RDX: variants seen among roughly 807,000 people sequenced by gnomAD.
RDX encodes radixin.
RDX carries 32 observed loss-of-function variants against 83.7 expected under a neutral mutation model. The ratio of observed to expected loss-of-function variants is 0.38; its 90% CI spans 0.29 to 0.51. RDX has a LOEUF of 0.51. RDX is among the 20% of genes least tolerant of loss of function. RDX has a pLI of 0.87. For synonymous variants in RDX, 229 were observed against 222.7 expected (o/e 1.03, Z -0.25); for missense variants, 600 against 689.9 (o/e 0.87, Z 1.46).
At chr11:110,183,099 A>C (rs1409856242) in intron 15 of RDX, among the ~76,000 whole-genome samples, 1 of 152,196 alleles carries the variant, frequency 6.6e-6, no homozygotes, top group Non-Finnish European at 1.5e-5. Context: ...AAGCTTGCTA[A>C]TGTGGGTTAC....
At position 110,205,990 on chromosome 11, in the gene RDX, TC is replaced by T. The variant is rs1370754453; in HGVS notation, c.1749-6313del. 2.0e-4 allele frequency among the ~76,000 whole-genome samples: 31 copies of T among 152,320 alleles called. 1 individual carries two copies. The South Asian group carries it at 5.0e-3, about 24-fold the overall frequency. ...CAATCCTATAGCCAGACGCAGTGGCTCATGCCTGTAATCCCAGCACTTTGGG... is the reference window on the plus strand; with the variant it reads ...CAATCCTATAGCCAGACGCAGTGGCTATGCCTGTAATCCCAGCACTTTGGG... On this transcript the variant is annotated intron_variant, in intron 14 of 15. Transcript: ENST00000528498.
At chr11:110,257,961 A>C in intron 6 of RDX, 48 bp from the exon 7 acceptor site, 1 of 1,582,556 alleles carries the variant, frequency 6.3e-7, no homozygotes, top group Non-Finnish European at 8.7e-7. Flanking sequence ...GAGCATATCA[A>C]ACTAAAGTTG....
chr11:110,276,634 T>C (rs892026602), intron 2 of RDX, among the ~76,000 whole-genome samples: 1 of 152,210 alleles, frequency 6.6e-6, no homozygotes, highest in African/African-American at 2.4e-5. Context: ...TCACTGTACA[T>C]TGACTTAGAT....
chr11:110,182,878 G>A lies in RDX; in HGVS notation c.*32-7644C>T, dbSNP rs191891824. ...TCTACGGATTCTATGTATTTGGGGA[G>A]GAACAAAATAAAATATCTATGTTAC... On this transcript the variant is annotated intron_variant, in intron 15 of 15. Transcript: ENST00000528498. Among the ~76,000 whole-genome samples, 34 of 152,236 alleles carry A rather than the reference G, an allele frequency of 2.2e-4. 1 individual carries two copies. Among genetic ancestry groups the A allele is most frequent in the African/African-American group, 6.7e-4 (28 of 41,526 alleles).
chr11:110,293,881 T>C (rs1434805423), intron 1 of RDX, among the ~76,000 whole-genome samples: 1 of 152,242 alleles, frequency 6.6e-6, no homozygotes, highest in Non-Finnish European at 1.5e-5. Flanking sequence ...CAGGAAATAT[T>C]GGTTAAAATT....
chr11:110,295,655 A>AAAC (rs138764061), intron 1 of RDX, among the ~76,000 whole-genome samples: 1 of 151,762 alleles, frequency 6.6e-6, no homozygotes, highest in African/African-American at 2.4e-5. Flanking sequence ...AAAAAAAAAA[A>AAAC]AACAAAAATG....
intron 3 of RDX, among the ~76,000 whole-genome samples, chr11:110,267,593 T>C (rs1860108445): frequency 6.6e-6 from 1 of 150,800 alleles, no homozygotes; most frequent in African/African-American, 2.4e-5. Context: ...TCCAGGCTTT[T>C]GGTTTCAAGA....
chr11:110,293,328 T>C (rs777843775), intron 1 of RDX, among the ~76,000 whole-genome samples: 102 of 152,338 alleles, frequency 6.7e-4, no homozygotes, highest in Non-Finnish European at 1.3e-3. Context: ...CTTTGACCTT[T>C]TCCTTGACAT....
chr11:110,209,328 G>A (rs1193642657), intron 14 of RDX, among the ~76,000 whole-genome samples: 7 of 152,030 alleles, frequency 4.6e-5, no homozygotes, highest in East Asian at 1.9e-4. Context: ...CACCTGGCTC[G>A]GAGGGTCCTA....
downstream of RDX, among the ~76,000 whole-genome samples, chr11:110,227,053 C>T (rs1485788752): frequency 5.9e-5 from 9 of 151,846 alleles, no homozygotes; most frequent in African/African-American, 2.2e-4. Context: ...AATTCAAATG[C>T]TAGACTTGAA....
chr11:110,222,150 A>C (rs1864271633), intron 14 of RDX, among the ~76,000 whole-genome samples: 1 of 152,224 alleles, frequency 6.6e-6, no homozygotes, highest in Admixed American at 6.5e-5. Context: ...GCTAAAGCAT[A>C]ATGGTTGAAA....
At chr11:110,193,365 A>G (rs1246948079) in intron 15 of RDX, among the ~76,000 whole-genome samples, 2 of 152,140 alleles carry the variant, frequency 1.3e-5, no homozygotes, top group Non-Finnish European at 2.9e-5. Context: ...GGGGACCACT[A>G]GAGACGGGAG....
chr11:110,176,910 A>T (rs929011567), intron 15 of RDX, among the ~76,000 whole-genome samples: 1 of 152,114 alleles, frequency 6.6e-6, no homozygotes, highest in Non-Finnish European at 1.5e-5. Context: ...CTCTCTGCTG[A>T]CCTGAAGGAA....
At chr11:110,240,744 C>CAAA (rs1298350227) in intron 10 of RDX, among the ~76,000 whole-genome samples, 4 of 62,886 alleles carry the variant, frequency 6.4e-5, no homozygotes, top group African/African-American at 1.7e-4. Flanking sequence ...GACTCCGTCT[C>CAAA]AAAAAAAAAA....
intron 7 of RDX, among the ~76,000 whole-genome samples, chr11:110,255,863 T>G (rs555255301): frequency 1.3e-5 from 2 of 152,308 alleles, no homozygotes; most frequent in Admixed American, 6.5e-5. Context: ...TGTCTGGATA[T>G]TCACGAATAT....
chr11:110,257,094 T>A (rs7946501), intron 7 of RDX, among the ~76,000 whole-genome samples: 59,452 of 151,250 alleles, frequency 0.39, 11,852 homozygotes, highest in East Asian at 0.61. Flanking sequence ...TGTGTATGTG[T>A]ATAATATACC....
intron 1 of RDX, among the ~76,000 whole-genome samples, chr11:110,287,791 T>C (rs1378805847): frequency 1.3e-5 from 2 of 152,176 alleles, no homozygotes; most frequent in Non-Finnish European, 2.9e-5. Flanking sequence ...TTACAATCTC[T>C]CATTCTTCTA....
At chr11:110,276,599 G>T (rs528490790) in intron 2 of RDX, among the ~76,000 whole-genome samples, 1 of 152,050 alleles carries the variant, frequency 6.6e-6, no homozygotes, top group Non-Finnish European at 1.5e-5. Context: ...TATTAATATA[G>T]ACTCTATACA....
chr11:110,234,471 C>A (rs1432317162), intron 12 of RDX, among the ~76,000 whole-genome samples: 1 of 152,136 alleles, frequency 6.6e-6, no homozygotes, highest in East Asian at 1.9e-4. Flanking sequence ...TGAAATAGTA[C>A]ATACAGTAAG....
Sources: gnomAD v4.1 joint callset for allele counts (sites outside exome capture counted in the v4.1 genomes callset) on GRCh38, gnomAD v4.1.1 for gene constraint, MANE v1.5 for transcripts, NCBI Gene and HGNC (gene_info 2026-07-23, HGNC 2026-07-21) for gene names.